MAPK10: variants seen among roughly 807,000 people sequenced by gnomAD.
MAPK10 encodes the protein mitogen-activated protein kinase 10.
In MAPK10, 25 loss-of-function variants were observed where a neutral mutation model predicts 59.3. The ratio of observed to expected loss-of-function variants is 0.42; its 90% confidence interval spans 0.31 to 0.59. The LOEUF (loss-of-function observed/expected upper bound fraction) is 0.59, where lower values mean the gene tolerates loss of function less well. MAPK10 is among the 20% of genes least tolerant of loss of function. MAPK10 has a pLI of 0.15. For synonymous variants in MAPK10, 190 were observed against 200.5 expected, an observed-to-expected ratio of 0.95 and a Z score of 0.44; for missense variants, 351 against 568.9, an observed-to-expected ratio of 0.62 and a Z score of 3.90.
At chr4:86,551,896 C>T (rs1420763238) in intron 1 of MAPK10, among the ~76,000 whole-genome samples, 3 of 152,122 alleles carry the variant, frequency 2.0e-5, no homozygotes, top group African/African-American at 7.2e-5. Context: ...TAAGCCACTG[C>T]ACCCAGCCAT....
intron 1 of MAPK10, among the ~76,000 whole-genome samples, chr4:86,571,038 A>G (rs975603157): frequency 1.3e-5 from 2 of 152,078 alleles, no homozygotes; most frequent in Non-Finnish European, 1.5e-5. Flanking sequence ...TGGGGTGTGC[A>G]GAATTCCCTG....
At chr4:86,076,852 A>G (rs981126009) in intron 9 of MAPK10, among the ~76,000 whole-genome samples, 3 of 152,188 alleles carry the variant, frequency 2.0e-5, no homozygotes, top group Non-Finnish European at 4.4e-5. Context: ...AGAAGAATTT[A>G]TTTGCTTTAG....
At chr4:86,432,821 C>T (rs1051504206) in intron 1 of MAPK10, among the ~76,000 whole-genome samples, 7 of 152,140 alleles carry the variant, frequency 4.6e-5, no homozygotes, top group Non-Finnish European at 8.8e-5. Context: ...GCAACAAGGG[C>T]AGATGGCTTG....
chr4:86,528,138 T>G (rs747163172), intron 1 of MAPK10, among the ~76,000 whole-genome samples: 1 of 152,152 alleles, frequency 6.6e-6, no homozygotes, highest in Non-Finnish European at 1.5e-5. Flanking sequence ...GCTTGTGCCC[T>G]CTGAATCTAT....
chr4:86,059,961 A>T (rs1311674568), intron 11 of MAPK10, among the ~76,000 whole-genome samples: 1 of 152,192 alleles, frequency 6.6e-6, no homozygotes. Context: ...CCAAAATGCC[A>T]GCTGCCCAAG....
chr4:86,415,146 A>C (rs1039013288), intron 1 of MAPK10, among the ~76,000 whole-genome samples: 1 of 151,768 alleles, frequency 6.6e-6, no homozygotes, highest in Non-Finnish European at 1.5e-5. Flanking sequence ...CAAAAAAAAA[A>C]AAAAAAAAAA....
chr4:86,069,087 T>C (rs1364213184), intron 9 of MAPK10, among the ~76,000 whole-genome samples: 18 of 152,164 alleles, frequency 1.2e-4, no homozygotes, highest in Non-Finnish European at 2.2e-4. Flanking sequence ...TATTACTTAG[T>C]TGAAGTTTGT....
chr4:86,235,243 A>C (rs2092094991), intron 2 of MAPK10, among the ~76,000 whole-genome samples: 1 of 152,202 alleles, frequency 6.6e-6, no homozygotes, highest in South Asian at 2.1e-4. Context: ...ACACATTCCT[A>C]TCCTCATTCT....
At chr4:86,109,181 CT>C (rs1409076023) in intron 4 of MAPK10, among the ~76,000 whole-genome samples, 2 of 152,168 alleles carry the variant, frequency 1.3e-5, no homozygotes, top group Non-Finnish European at 2.9e-5. Flanking sequence ...TGTCCTGGAA[CT>C]CTTTAATAAT....
chr4:86,185,279 C>T (rs758825303), intron 3 of MAPK10, among the ~76,000 whole-genome samples: 2 of 151,990 alleles, frequency 1.3e-5, no homozygotes, highest in Non-Finnish European at 2.9e-5. Flanking sequence ...ATTATGGAGG[C>T]AAGGAAGTTG....
At chr4:86,217,030 T>C (rs1397225583) in intron 2 of MAPK10, among the ~76,000 whole-genome samples, 1 of 151,990 alleles carries the variant, frequency 6.6e-6, no homozygotes, top group African/African-American at 2.4e-5. Flanking sequence ...AAACCAGAGG[T>C]CTAAATGGTA....
chr4:86,569,270 A>G (rs1177590465), intron 1 of MAPK10, among the ~76,000 whole-genome samples: 1 of 152,198 alleles, frequency 6.6e-6, no homozygotes, highest in Non-Finnish European at 1.5e-5. Flanking sequence ...TACTAGTCAG[A>G]ATGACTATTA....
intron 3 of MAPK10, among the ~76,000 whole-genome samples, chr4:86,166,427 A>C (rs770600095): frequency 6.6e-6 from 1 of 151,364 alleles, no homozygotes; most frequent in African/African-American, 2.4e-5. Context: ...GAAAACTCTC[A>C]AAGTTTTTAT....
chr4:86,282,900 G>A (rs1454450385), intron 2 of MAPK10, among the ~76,000 whole-genome samples: 2 of 151,966 alleles, frequency 1.3e-5, no homozygotes, highest in Non-Finnish European at 2.9e-5. Flanking sequence ...AGACACAAGA[G>A]GTTTTATTTT....
intron 1 of MAPK10, among the ~76,000 whole-genome samples, chr4:86,424,353 A>C (rs1746985313): frequency 6.6e-6 from 1 of 151,932 alleles, no homozygotes; most frequent in Admixed American, 6.6e-5. Flanking sequence ...CCACGCTCAG[A>C]TAATTTTTGT....
intron 1 of MAPK10, among the ~76,000 whole-genome samples, chr4:86,571,286 G>C (rs1285117861): frequency 6.9e-6 from 1 of 143,924 alleles, no homozygotes; most frequent in Non-Finnish European, 1.5e-5. Context: ...TATATTACTG[G>C]ATAGATACAT....
intron 1 of MAPK10, among the ~76,000 whole-genome samples, chr4:86,526,300 T>C (rs1757467062): frequency 1.3e-5 from 2 of 152,214 alleles, no homozygotes; most frequent in Admixed American, 1.3e-4. Context: ...AGAGAGGTCA[T>C]GTGTTTCATT....
intron 2 of MAPK10, among the ~76,000 whole-genome samples, chr4:86,336,101 A>T (rs188192119): frequency 3.8e-4 from 58 of 152,362 alleles, no homozygotes; most frequent in African/African-American, 1.4e-3. Context: ...TATAATTTGT[A>T]TTAAAATCAA....
At chr4:86,304,164 C>T (rs1462901656) in intron 2 of MAPK10, among the ~76,000 whole-genome samples, 2 of 151,978 alleles carry the variant, frequency 1.3e-5, no homozygotes, top group Non-Finnish European at 2.9e-5. Context: ...AATAAAGTCA[C>T]GGAAAGAAGT....
Sources: gnomAD v4.1 joint callset for allele counts (sites outside exome capture counted in the v4.1 genomes callset) on GRCh38, gnomAD v4.1.1 for gene constraint, MANE v1.5 for transcripts, NCBI Gene and HGNC (gene_info 2026-07-23, HGNC 2026-07-21) for gene names.